The following ALX4 variants were observed in gnomAD, a reference collection of about 807,000 sequenced individuals.
ALX4 encodes homeobox protein aristaless-like 4.
ALX4 carries 22 observed loss-of-function variants against 40.6 expected under a neutral mutation model. The ratio of observed to expected loss-of-function variants is 0.54; its 90% confidence interval spans 0.39 to 0.77. The LOEUF is 0.77. ALX4 is among the 30% of genes least tolerant of loss of function. The pLI, the probability that ALX4 is intolerant of heterozygous loss-of-function variation, is 0.00. For synonymous variants in ALX4, 266 were observed against 240.5 expected, an observed-to-expected ratio of 1.11 and a Z score of -0.98; for missense variants, 556 against 564.8, an observed-to-expected ratio of 0.98 and a Z score of 0.16.
chr11:44,265,677 G>A (rs1446505193), intron 3 of ALX4, among the ~76,000 whole-genome samples: 1 of 152,134 alleles, frequency 6.6e-6, no homozygotes, highest in East Asian at 1.9e-4. Context: ...GGTTGGGTGA[G>A]GTGGGCGGCA....
At chr11:44,292,197 GAAAGTA>G (rs1956373441) in intron 1 of ALX4, among the ~76,000 whole-genome samples, 1 of 151,858 alleles carries the variant, frequency 6.6e-6, no homozygotes, top group African/African-American at 2.4e-5. Context: ...ATGAGAAAGG[GAAAGTA>G]ATGGCTCAAT....
rs537992824 is a variant in ALX4, at chr11:44,294,517, G to A, written c.466+15080C>T. ...AGGTGCAGCAGCCTATGGGGAGGAG[G>A]GGCCTGAGGGGCCTGGGTGGCCTTT... On this transcript the variant is annotated intron_variant, in intron 1 of 3. Transcript: ENST00000652299. Among the ~76,000 whole-genome samples the A allele has an allele frequency of 3.3e-5, 5 of 152,202 alleles. No individual in the cohort carries two copies. The East Asian group carries it at 9.6e-4, about 29-fold the overall frequency.
At chr11:44,277,250 A>T (rs1007640138) in intron 1 of ALX4, among the ~76,000 whole-genome samples, 1 of 152,108 alleles carries the variant, frequency 6.6e-6, no homozygotes, top group African/African-American at 2.4e-5. Flanking sequence ...ACATTAGAGG[A>T]CTCCGACCCT....
At chr11:44,267,819 G>A (rs943208646) in intron 2 of ALX4, among the ~76,000 whole-genome samples, 197 bp from the exon 3 acceptor site, 1 of 152,174 alleles carries the variant, frequency 6.6e-6, no homozygotes, top group Admixed American at 6.5e-5. Context: ...TCTGAGCTGG[G>A]AAGGTATCTT....
intron 1 of ALX4, among the ~76,000 whole-genome samples, chr11:44,308,931 G>A (rs1310002975): frequency 1.3e-4 from 20 of 152,356 alleles, no homozygotes; most frequent in Admixed American, 1.3e-3. Context: ...TAGCGCTCAG[G>A]GTCCCAGGAC....
At chr11:44,280,055 C>T (rs1251260177) in intron 1 of ALX4, among the ~76,000 whole-genome samples, 2 of 152,210 alleles carry the variant, frequency 1.3e-5, no homozygotes, top group African/African-American at 2.4e-5. Flanking sequence ...GAACCAACCG[C>T]CTCATCCTCC....
intron 1 of ALX4, among the ~76,000 whole-genome samples, chr11:44,295,001 CA>C (rs1956394873): frequency 1.3e-5 from 2 of 152,028 alleles, no homozygotes; most frequent in Admixed American, 1.3e-4. Flanking sequence ...AGGCGCCCAC[CA>C]CCACGCCCAG....
In ALX4 at chr11:44,264,959, G is replaced by A; in HGVS notation, c.1131C>T (p.Leu377=). Residue 377 remains leucine, a synonymous_variant, in exon 4 of 4, where the codon CTC becomes CTT. Coordinates refer to ENST00000652299, the MANE Select transcript of ALX4 (RefSeq NM_021926.4). ...GCTCGCCGTTGAGCTCGTAGCCATTGAGGCCTGGGCTGAGGCTGGCTGCTC... is the reference window on the plus strand; with the variant it reads ...GCTCGCCGTTGAGCTCGTAGCCATTAAGGCCTGGGCTGAGGCTGGCTGCTC... ...LFGAASLSPG[L]NGYELNGEPD... is the part of the protein sequence containing the mutation. 6.2e-7 allele frequency: 1 copy of A among 1,613,250 alleles called. No individual in the cohort carries two copies.
At chr11:44,270,023 G>C (rs1184763461) in intron 2 of ALX4, among the ~76,000 whole-genome samples, 1 of 152,076 alleles carries the variant, frequency 6.6e-6, no homozygotes, top group Non-Finnish European at 1.5e-5. Context: ...CCCCATGGTG[G>C]GACTGTGGAA....
At chr11:44,282,285 T>C (rs1956314339) in intron 1 of ALX4, among the ~76,000 whole-genome samples, 1 of 152,100 alleles carries the variant, frequency 6.6e-6, no homozygotes, top group Admixed American at 6.5e-5. Flanking sequence ...GAAATGCAAA[T>C]TAAAAGCACA....
chr11:44,276,072 C>T (rs1956276301), intron 1 of ALX4, among the ~76,000 whole-genome samples: 1 of 152,160 alleles, frequency 6.6e-6, no homozygotes, highest in African/African-American at 2.4e-5. Flanking sequence ...GGAAGGGAAA[C>T]TCATTCAGCA....
intron 1 of ALX4, among the ~76,000 whole-genome samples, chr11:44,290,688 A>G (rs1272403914): frequency 6.6e-6 from 1 of 152,234 alleles, no homozygotes; most frequent in Admixed American, 6.5e-5. Flanking sequence ...ATGGGAGCCG[A>G]CTAAAGGAGA....
At chr11:44,270,537 G>A (rs928480064) in intron 2 of ALX4, among the ~76,000 whole-genome samples, 39 of 152,052 alleles carry the variant, frequency 2.6e-4, no homozygotes, top group Admixed American at 2.0e-3. Flanking sequence ...GTATCCTCAC[G>A]ACCCCTTCTA....
At chr11:44,305,869 G>C (rs1319868751) in intron 1 of ALX4, among the ~76,000 whole-genome samples, 1 of 152,246 alleles carries the variant, frequency 6.6e-6, no homozygotes, top group Non-Finnish European at 1.5e-5. Flanking sequence ...GGGAGAAGAG[G>C]GGCAGCTTCC....
At chr11:44,307,806 A>C (rs545683929) in intron 1 of ALX4, among the ~76,000 whole-genome samples, 35 of 151,460 alleles carry the variant, frequency 2.3e-4, no homozygotes, top group African/African-American at 7.5e-4. Context: ...GTGTGTGTCC[A>C]TGTGCGGAGC....
chr11:44,287,150 C>T (rs994762789), intron 1 of ALX4, among the ~76,000 whole-genome samples: 2 of 152,370 alleles, frequency 1.3e-5, no homozygotes, highest in South Asian at 2.1e-4. Context: ...TCCACTGCTC[C>T]GCCCTCACAC....
intron 1 of ALX4, among the ~76,000 whole-genome samples, chr11:44,281,670 C>A (rs116377184): frequency 5.3e-5 from 8 of 152,052 alleles, no homozygotes; most frequent in Non-Finnish European, 1.2e-4. Flanking sequence ...GCTGTCCAAA[C>A]GGTCCTGTGG....
intron 1 of ALX4, among the ~76,000 whole-genome samples, chr11:44,276,175 A>G (rs1362464250): frequency 1.3e-5 from 2 of 152,180 alleles, no homozygotes; most frequent in Non-Finnish European, 2.9e-5. Flanking sequence ...TCCCACCAGG[A>G]GTTCAGCAGG....
At chr11:44,278,451 G>C (rs1018635871) in intron 1 of ALX4, among the ~76,000 whole-genome samples, 2 of 152,302 alleles carry the variant, frequency 1.3e-5, no homozygotes, top group African/African-American at 2.4e-5. Flanking sequence ...TCCATCTTGT[G>C]GGGGGCAGGA....
Sources: gnomAD v4.1 joint callset for allele counts (sites outside exome capture counted in the v4.1 genomes callset) on GRCh38, gnomAD v4.1.1 for gene constraint, MANE v1.5 for transcripts, NCBI Gene and HGNC (gene_info 2026-07-23, HGNC 2026-07-21) for gene names.